The following CYP4X1 variants were observed in gnomAD, a reference collection of about 807,000 sequenced individuals.
CYP4X1 encodes cytochrome P450 family 4 subfamily X member 1.
In CYP4X1, 44 loss-of-function variants were observed where a neutral mutation model predicts 57.9. The observed-to-expected ratio is 0.76, with a 90% CI of 0.60 to 0.98. CYP4X1 has a LOEUF of 0.98. Ranked by LOEUF, CYP4X1 falls within the 50% of genes least tolerant of loss-of-function variation. The pLI is 0.00. For missense variants in CYP4X1, 532 were observed against 623.9 expected, an observed-to-expected ratio of 0.85 and a Z score of 1.57; for synonymous variants, 227 against 228.6, an observed-to-expected ratio of 0.99 and a Z score of 0.06.
At chr1:47,049,933 G>A (rs1644344245) in intron 11 of CYP4X1, 67 bp from the exon 12 acceptor site, 2 of 1,479,694 alleles carry the variant, frequency 1.4e-6, no homozygotes, top group Non-Finnish European at 1.9e-6. Context: ...TATTGTACTA[G>A]TATTTTACTA....
At chr1:46,978,567 G>A in the CYP4X1 span, among the ~76,000 whole-genome samples, 3 of 152,034 alleles carry the variant, frequency 2.0e-5, no homozygotes, top group Admixed American at 6.6e-5. Flanking sequence ...ATGTATCAAT[G>A]AGACAGAAGG....
chr1:46,976,056 T>C, the CYP4X1 span, among the ~76,000 whole-genome samples: 2 of 152,084 alleles, frequency 1.3e-5, no homozygotes, highest in Non-Finnish European at 2.9e-5. Context: ...GATTTCTGCA[T>C]TTCCAGCTGA....
intron 2 of CYP4X1, among the ~76,000 whole-genome samples, 195 bp downstream of exon 2, chr1:47,030,326 T>C (rs1644112301): frequency 6.6e-6 from 1 of 152,162 alleles, no homozygotes; most frequent in African/African-American, 2.4e-5. Context: ...CTTGTTCAGG[T>C]ATGCATGGGC....
At chr1:46,973,254 C>G in the CYP4X1 span, among the ~76,000 whole-genome samples, 1 of 152,042 alleles carries the variant, frequency 6.6e-6, no homozygotes, top group Admixed American at 6.6e-5. Flanking sequence ...TATTGAACCA[C>G]TCTTGCAGCC....
chr1:46,982,348 C>T, the CYP4X1 span, among the ~76,000 whole-genome samples: 8 of 152,110 alleles, frequency 5.3e-5, no homozygotes, highest in Non-Finnish European at 1.2e-4. Flanking sequence ...TGTCTGTCAT[C>T]TCAGCCATTT....
the CYP4X1 span, among the ~76,000 whole-genome samples, chr1:46,963,848 T>C: frequency 6.6e-6 from 1 of 152,266 alleles, no homozygotes; most frequent in Non-Finnish European, 1.5e-5. Context: ...TTTTCCAACT[T>C]GGTTCCATTC....
At chr1:46,980,922 T>G in the CYP4X1 span, among the ~76,000 whole-genome samples, 5 of 147,676 alleles carry the variant, frequency 3.4e-5, no homozygotes, top group Admixed American at 6.9e-5. Flanking sequence ...GAAAACTGCC[T>G]AGCCATATGT....
chr1:46,972,563 C>T, the CYP4X1 span, among the ~76,000 whole-genome samples: 2 of 152,140 alleles, frequency 1.3e-5, no homozygotes. Flanking sequence ...TCTCCATATC[C>T]ATGAGCTTGG....
chr1:46,982,951 G>T, the CYP4X1 span, among the ~76,000 whole-genome samples: 1 of 152,204 alleles, frequency 6.6e-6, no homozygotes, highest in African/African-American at 2.4e-5. Context: ...TGGTCTCTGG[G>T]GCTTCATCCT....
chr1:46,987,296 C>CA, the CYP4X1 span, among the ~76,000 whole-genome samples: 1 of 152,014 alleles, frequency 6.6e-6, no homozygotes, highest in Non-Finnish European at 1.5e-5. Flanking sequence ...AAAGGCATTA[C>CA]ATAATGGCAA....
the CYP4X1 span, among the ~76,000 whole-genome samples, chr1:47,004,556 A>G: frequency 1.9e-3 from 293 of 152,192 alleles, 2 homozygotes; most frequent in African/African-American, 6.9e-3. Flanking sequence ...GGAGGTGCCT[A>G]GCTGCAACTG....
chr1:46,999,294 A>G, the CYP4X1 span, among the ~76,000 whole-genome samples: 61 of 152,096 alleles, frequency 4.0e-4, no homozygotes, highest in Non-Finnish European at 7.6e-4. Context: ...TCCTGGTTCA[A>G]TCTTGGGATT....
intron 8 of CYP4X1, among the ~76,000 whole-genome samples, chr1:47,043,770 G>A (rs1356678815): frequency 6.6e-6 from 1 of 152,070 alleles, no homozygotes; most frequent in Non-Finnish European, 1.5e-5. Context: ...ATATTTAGGT[G>A]TTCCTATTTT....
chr1:47,018,319 G>A, the CYP4X1 span, among the ~76,000 whole-genome samples: 3 of 152,124 alleles, frequency 2.0e-5, no homozygotes, highest in African/African-American at 7.2e-5. Context: ...TTACGTTCCA[G>A]CCTTTGTTTA....
At position 47,023,767 on chromosome 1, in the gene CYP4X1, A is replaced by C. The variant is rs1569600793; in HGVS notation, c.-51A>C. 2 of 1,583,410 alleles carry C rather than the reference A, an allele frequency of 1.3e-6. No homozygotes were observed. The highest frequency in any genetic ancestry group is 1.3e-5 in the African/African-American group (1 of 74,218). ...GCCAGCTCCGGGCGGGAGAAAGCCC[A>C]CCCTCTCCCGCGCCCCAGGAAACCG... is the stretch of plus-strand genomic sequence containing the variant. On this transcript the variant is annotated 5_prime_UTR_variant, in exon 1 of 12. Coordinates refer to ENST00000371901, the MANE Select transcript of CYP4X1 (RefSeq NM_178033.2).
intron 4 of CYP4X1, 141 bp from the exon 5 acceptor site, chr1:47,035,665 T>C: frequency 8.1e-7 from 1 of 1,241,560 alleles, no homozygotes; most frequent in Non-Finnish European, 1.1e-6. Context: ...ACATGGCTTA[T>C]TTACTCATGT....
chr1:47,024,652 C>T (rs1644042789), intron 1 of CYP4X1, among the ~76,000 whole-genome samples: 1 of 152,180 alleles, frequency 6.6e-6, no homozygotes, highest in Non-Finnish European at 1.5e-5. Context: ...CTCCCCTGCA[C>T]CACCCAAGTC....
chr1:47,023,220 A>G (rs1184169663), upstream of CYP4X1, among the ~76,000 whole-genome samples: 3 of 152,198 alleles, frequency 2.0e-5, no homozygotes, highest in East Asian at 5.8e-4. Flanking sequence ...ATGGTACGCT[A>G]CTGTGCATAT....
At chr1:47,012,098 A>C in the CYP4X1 span, among the ~76,000 whole-genome samples, 8 of 152,244 alleles carry the variant, frequency 5.3e-5, no homozygotes. Flanking sequence ...TGCTATAAAG[A>C]CACATGCACA....
Sources: allele counts gnomAD v4.1 joint callset (sites outside exome capture counted in the v4.1 genomes callset), GRCh38; gene constraint gnomAD v4.1.1; transcripts MANE v1.5; gene names NCBI Gene and HGNC (gene_info 2026-07-23, HGNC 2026-07-21).